The following BCL9L variants were observed in gnomAD, a reference collection of about 807,000 sequenced individuals.
The protein encoded by BCL9L is BCL9 like.
BCL9L carries 19 observed loss-of-function variants against 99.4 expected under a neutral mutation model. The observed-to-expected ratio is 0.19, with a 90% confidence interval of 0.13 to 0.28. The LOEUF (loss-of-function observed/expected upper bound fraction) is 0.28. BCL9L is among the 10% of genes least tolerant of loss of function. The pLI, the probability that BCL9L is intolerant of heterozygous loss-of-function variation, is 1.00. For synonymous variants in BCL9L, 900 were observed against 854.8 expected, an observed-to-expected ratio of 1.05 and a Z score of -0.92; for missense variants, 2,023 against 2,101.6, an observed-to-expected ratio of 0.96 and a Z score of 0.73.
At chr11:118,904,606 G>A (rs933479495) in intron 5 of BCL9L, among the ~76,000 whole-genome samples, 2 of 152,186 alleles carry the variant, frequency 1.3e-5, no homozygotes, top group South Asian at 2.1e-4. Flanking sequence ...TCTACAACGG[G>A]TCTAGGTGAG....
rs1940360426 is a variant in BCL9L at position 118,903,213 on chromosome 11, T to C, written c.749+23A>G. ...TGCTGGGCAGAGAGAGAGAGAGACT[T>C]GGCCTGCCCACCAGGCACTTACGTG... On this transcript the variant is annotated intron_variant, in intron 6 of 9. Transcript: ENST00000683865. This position sits in a 1 kb window ranked among gnomAD's most constrained non-coding sequence, Gnocchi z 5.6. 6.3e-7 allele frequency: 1 copy of C among 1,575,908 alleles called. No homozygotes were observed. Among genetic ancestry groups the C allele is most frequent in the South Asian group, 1.2e-5 (1 of 86,798 alleles).
Position 118,925,706 on chromosome 11 carries a change from T to A in BCL9L, c.-599A>T, listed in dbSNP as rs11217094. 1 of 150,558 alleles carries A rather than the reference T, an allele frequency of 6.6e-6. No individual in the cohort carries two copies. Among genetic ancestry groups the A allele is most frequent in the Non-Finnish European group, 1.5e-5 (1 of 67,580 alleles). 9.3% of individuals were successfully genotyped at this position (150,558 alleles called of 1,614,324 possible). On this transcript the variant is annotated 5_prime_UTR_variant, in exon 1 of 10. Transcript: ENST00000683865. The surrounding 1 kb of genome is among the most constrained non-coding windows in gnomAD (Gnocchi z 6.4). ...TCTGGGCGCTTATTGTTGGTCGGAC[T>A]CCGAGGGTCCGGGTCACAGCCCCCG...
chr11:118,909,734 C>T (rs1304957958), intron 3 of BCL9L, among the ~76,000 whole-genome samples, 180 bp downstream of exon 3: 5 of 152,070 alleles, frequency 3.3e-5, no homozygotes, highest in African/African-American at 1.2e-4. Flanking sequence ...GCTGGCTGCG[C>T]CTCCTGCCTC....
rs752657982 is a variant in BCL9L, at chr11:118,900,178, G to A, written c.3145C>T (p.Pro1049Ser). The change falls in exon 9 of 10, where the codon CCC (proline) becomes TCC (serine). Residue 1049 changes from proline (P) to serine (S), a missense_variant. This residue lies in a region of BCL9L where 902 missense variants were observed against 888.2 expected (regional missense o/e 1.02). Coordinates refer to ENST00000683865, the MANE Select transcript of BCL9L (RefSeq NM_001378213.1). This position sits in a 1 kb window ranked among gnomAD's most constrained non-coding sequence, Gnocchi z 5.3. ...GGAGGTGCTGAGGAGCTGCTCCGGG[G>A]GCCGCTAGGCGGGAGGGTACCTACA... is the stretch of plus-strand genomic sequence containing the variant. ...MEQGTLPPSGPRSSSSAPPAN... is the reference protein window; with the variant it reads ...MEQGTLPPSGSRSSSSAPPAN... 14 of 1,604,870 alleles carry A rather than the reference G, an allele frequency of 8.7e-6. No individual in the cohort carries two copies. Among genetic ancestry groups the A allele is most frequent in the East Asian group, 6.7e-5 (3 of 44,708 alleles).
chr11:118,907,393 G>C, intron 5 of BCL9L, 90 bp downstream of exon 5: 9 of 1,596,882 alleles, frequency 5.6e-6, no homozygotes, highest in Non-Finnish European at 7.7e-6. Flanking sequence ...AGGACTCCCA[G>C]TCCTCACTTC....
Position 118,908,320 on chromosome 11 carries a change from G to C in BCL9L, c.362C>G (p.Ser121Cys). The change falls in exon 4 of 10, where the codon TCT (serine) becomes TGT (cysteine). Residue 121 changes from serine to cysteine, a missense_variant. Around this residue, in one of 3 missense-constraint regions of BCL9L, gnomAD observed 1,116 missense variants for 1,194.6 expected, o/e 0.93. Coordinates refer to ENST00000683865, the MANE Select transcript of BCL9L (RefSeq NM_001378213.1). ...VKRDRSVSVDSGEQREAGTPS... is the reference protein window; with the variant it reads ...VKRDRSVSVDCGEQREAGTPS... ...GGTCCCAGCCTCTCGCTGCTCTCCA[G>C]AGTCCACAGACACACTCCGGTCCCT... is the stretch of plus-strand genomic sequence containing the variant. 2 of 1,594,084 alleles carry C rather than the reference G, an allele frequency of 1.3e-6. No individual in the cohort carries two copies. Among genetic ancestry groups the C allele is most frequent in the Non-Finnish European group, 1.7e-6 (2 of 1,167,898 alleles).
Position 118,896,240 on chromosome 11 carries a change from T to C in BCL9L, c.*2175A>G. 6 of 166,448 alleles carry C rather than the reference T, an allele frequency of 3.6e-5. No individual in the cohort carries two copies. The allele number at this position is 166,448 out of a possible 1,614,324, so 10.3% of individuals were successfully genotyped here. On this transcript the variant is annotated 3_prime_UTR_variant, in exon 10 of 10. Coordinates refer to ENST00000683865, the MANE Select transcript of BCL9L (RefSeq NM_001378213.1). ...AACAAGCCTAAAAATTGTTTCAAAA[T>C]AAAAACCAAGAAGATGTCTTCACAT...
Position 118,909,989 on chromosome 11 carries a change from G to A in BCL9L, c.-50C>T, listed in dbSNP as rs1179534608. The A allele has an allele frequency of 1.2e-6, 2 of 1,613,274 alleles. No individual in the cohort carries two copies. The highest frequency in any genetic ancestry group is 1.7e-6 in the Non-Finnish European group (2 of 1,179,632). On this transcript the variant is annotated 5_prime_UTR_variant, in exon 3 of 10. Transcript: ENST00000683865. ...GGCCCCTGTGCGTGCCCAGGGCCCA[G>A]CCAGGTACTCGGTACTGGAGCACGG...
chr11:118,897,180 T>C lies in BCL9L; in HGVS notation c.*1235A>G, dbSNP rs1565609088. The stretch of plus-strand genomic sequence containing the variant: ...GAGGTGCACTGACTCAGATGAACTG[T>C]TCTCCCCCTTCTTTGATAAGAAGTA... On this transcript the variant is annotated 3_prime_UTR_variant, in exon 10 of 10. Transcript: ENST00000683865. 6.5e-6 allele frequency: 1 copy of C among 154,912 alleles called. No homozygotes were observed. The highest frequency in any genetic ancestry group is 1.4e-5 in the Non-Finnish European group (1 of 69,566). 9.6% of individuals were successfully genotyped at this position (154,912 alleles called of 1,614,324 possible).
chr11:118,904,389 G>A (rs1009865107), intron 5 of BCL9L, among the ~76,000 whole-genome samples: 4 of 151,708 alleles, frequency 2.6e-5, no homozygotes, highest in African/African-American at 9.7e-5. Flanking sequence ...GCAGTGAGCC[G>A]AGATCACACC....
At position 118,899,944 on chromosome 11, in the gene BCL9L, G is replaced by C. The variant is rs747824751; in HGVS notation, c.3379C>G (p.Pro1127Ala). The change falls in exon 9 of 10, where the codon CCA becomes GCA. Residue 1127 changes from proline (P) to alanine (A), a missense_variant. Coordinates refer to ENST00000683865, the MANE Select transcript of BCL9L (RefSeq NM_001378213.1). ...GGCCCGGAGCCCTGCGGTGGTGGTG[G>C]GGGGGGCAGCAGGGGCCGGTCGGGC... is the stretch of plus-strand genomic sequence containing the variant. The part of the protein sequence containing the change: ...LLPDRPLLPP[P>A]PPPQGSGPGI... 13 of 1,613,088 alleles carry C rather than the reference G, an allele frequency of 8.1e-6. No individual in the cohort carries two copies. The highest frequency in any genetic ancestry group is 1.3e-5 in the African/African-American group (1 of 74,902).
Position 118,898,225 on chromosome 11 carries a change from AC to A in BCL9L, c.*189del. The A allele has an allele frequency of 2.5e-6, 2 of 799,416 alleles. No individual in the cohort carries two copies. Among genetic ancestry groups the A allele is most frequent in the South Asian group, 1.9e-5 (1 of 53,542 alleles). The allele number at this position is 799,416 out of a possible 1,614,324, so 49.5% of individuals were successfully genotyped here. On this transcript the variant is annotated 3_prime_UTR_variant, in exon 10 of 10. Coordinates refer to ENST00000683865, the MANE Select transcript of BCL9L (RefSeq NM_001378213.1). Reference sequence around the variant, plus strand: ...AACCAACCCCAATGCAAAATCCCCCACCCCACACTGCCACTTCCCCCTAAGC... The same window carrying A: ...AACCAACCCCAATGCAAAATCCCCCACCCACACTGCCACTTCCCCCTAAGC...
chr11:118,898,418 G>A lies in BCL9L; in HGVS notation c.4497C>T (p.Phe1499=), dbSNP rs772933840. Residue 1499 remains phenylalanine, a synonymous_variant, in exon 10 of 10, where the codon TTC becomes TTT. Coordinates refer to ENST00000683865, the MANE Select transcript of BCL9L (RefSeq NM_001378213.1). The stretch of plus-strand genomic sequence containing the variant: ...GCTCCAGCCCTGGCAGCGACTTCTA[G>A]AAGGGCAGGTTGGCCATGCCGCCTG... ...PAPGGMANLP[F] 6.2e-7 allele frequency: 1 copy of A among 1,600,996 alleles called. No homozygotes were observed. The highest frequency in any genetic ancestry group is 1.1e-5 in the South Asian group (1 of 90,478).
intron 1 of BCL9L, among the ~76,000 whole-genome samples, chr11:118,923,040 GC>G (rs1941186843): frequency 6.6e-6 from 1 of 152,020 alleles, no homozygotes; most frequent in South Asian, 2.1e-4. Flanking sequence ...TGGAGGAGGG[GC>G]TGCAGAGCTG....
At chr11:118,916,544 C>T (rs1445720803) in intron 2 of BCL9L, among the ~76,000 whole-genome samples, 1 of 152,210 alleles carries the variant, frequency 6.6e-6, no homozygotes, top group Admixed American at 6.5e-5. Context: ...AGAACTTTTC[C>T]TAGCACTGTC....
Position 118,903,048 on chromosome 11 carries a change from C to G in BCL9L, c.776G>C (p.Arg259Pro). 6.3e-7 allele frequency: 1 copy of G among 1,588,582 alleles called. No homozygotes were observed. The highest frequency in any genetic ancestry group is 8.5e-7 in the Non-Finnish European group (1 of 1,172,012). ...NTAAEAVLQG[R>P]ADSILAYHQQ... ...GTGGTAGGCGAGGATGGAGTCGGCC[C>G]GGCCCTGCAGCACTGCCTCTGCAGC... is the stretch of plus-strand genomic sequence containing the variant. The change falls in exon 7 of 10, where the codon CGG (arginine) becomes CCG (proline). Residue 259 changes from arginine to proline, a missense_variant. Around this residue, in one of 3 missense-constraint regions of BCL9L, gnomAD observed 1,116 missense variants for 1,194.6 expected, o/e 0.93. Transcript: ENST00000683865. The surrounding 1 kb of genome is among the most constrained non-coding windows in gnomAD (Gnocchi z 5.6).
At position 118,898,222 on chromosome 11, in the gene BCL9L, C is replaced by T. The variant is rs1278365252; in HGVS notation, c.*193G>A. 2 of 795,748 alleles carry T rather than the reference C, an allele frequency of 2.5e-6. No homozygotes were observed. Among genetic ancestry groups the T allele is most frequent in the East Asian group, 2.7e-5 (1 of 36,454 alleles). The allele number at this position is 795,748 out of a possible 1,614,324, so 49.3% of individuals were successfully genotyped here. On this transcript the variant is annotated 3_prime_UTR_variant, in exon 10 of 10. Transcript: ENST00000683865. Reference sequence around the variant, plus strand: ...TGGAACCAACCCCAATGCAAAATCCCCCACCCCACACTGCCACTTCCCCCT... The same window carrying T: ...TGGAACCAACCCCAATGCAAAATCCTCCACCCCACACTGCCACTTCCCCCT...
In BCL9L at chr11:118,921,344, CAG is replaced by C. The variant is rs373974646; in HGVS notation, c.-130-2467_-130-2466del. Among the ~76,000 whole-genome samples, 1,307 of 152,318 alleles carry C rather than the reference CAG, an allele frequency of 8.6e-3. 20 individuals carry two copies. The highest frequency in any genetic ancestry group is 0.03 in the African/African-American group (1,227 of 41,566). Reference sequence around the variant, plus strand: ...AACTCAGACACACAAACTTGCAGCGCAGAGTGTGTGAAGTCGGATTAGAAGGC... The same window carrying C: ...AACTCAGACACACAAACTTGCAGCGCAGTGTGTGAAGTCGGATTAGAAGGC... On this transcript the variant is annotated intron_variant, in intron 1 of 9. Coordinates refer to ENST00000683865, the MANE Select transcript of BCL9L (RefSeq NM_001378213.1). This position sits in a 1 kb window ranked among gnomAD's most constrained non-coding sequence, Gnocchi z 5.4.
Position 118,898,754 on chromosome 11 carries a change from G to A in BCL9L, c.4161C>T (p.Leu1387=). The A allele has an allele frequency of 6.2e-7, 1 of 1,613,650 alleles. No homozygotes were observed. Among genetic ancestry groups the A allele is most frequent in the Non-Finnish European group, 8.5e-7 (1 of 1,179,948 alleles). The change falls in exon 10 of 10, where the codon CTC becomes CTT. Residue 1387 remains leucine, a synonymous_variant. Coordinates refer to ENST00000683865, the MANE Select transcript of BCL9L (RefSeq NM_001378213.1). ...GTCCAGGGTGGCACATGGACATGTT[G>A]AGCCCCCGCTGGACGCCCTGCTGGC... ...LPGQQGVQRG[L]NMSMCHPGQM...
Sources: gnomAD v4.1 joint callset for allele counts (sites outside exome capture counted in the v4.1 genomes callset) on GRCh38, gnomAD v4.1.1 for gene constraint, gnomAD v4.1.1 regional missense constraint, Gnocchi (gnomAD v3.1) non-coding constraint, MANE v1.5 for transcripts, NCBI Gene and HGNC (gene_info 2026-07-23, HGNC 2026-07-21) for gene names.